Variants in FTCDNL1 observed in about 807,000 individuals in gnomAD.
FTCDNL1 encodes formiminotransferase N-terminal subdomain-containing protein.
In FTCDNL1, 11 loss-of-function variants were observed where a neutral mutation model predicts 5.9. That is an observed-to-expected ratio of 1.87 (90% CI 1.18 to 3.10). The LOEUF (loss-of-function observed/expected upper bound fraction) is 3.10. FTCDNL1 is among the 30% of genes most tolerant of loss of function. The pLI is 0.00. For missense variants in FTCDNL1, 115 were observed against 65.5 expected, an observed-to-expected ratio of 1.76 and a Z score of -2.61; for synonymous variants, 58 against 24.8, an observed-to-expected ratio of 2.34 and a Z score of -3.99.
chr2:199,844,238 AAC>A (rs2076669989), intron 3 of FTCDNL1: 2 of 393,066 alleles, frequency 5.1e-6, no homozygotes, highest in Non-Finnish European at 9.0e-6. Flanking sequence ...GTGTGTCACA[AAC>A]ACACAGTGTA....
At chr2:199,805,740 AAAAAT>A (rs776611454), downstream of FTCDNL1, among the ~76,000 whole-genome samples, 100 of 152,140 alleles carry the variant, frequency 6.6e-4, no homozygotes, top group Non-Finnish European at 1.2e-3. Flanking sequence ...CTCTGTCTCA[AAAAAT>A]AAAATAAAAT....
At chr2:199,744,031 A>G in the FTCDNL1 span, among the ~76,000 whole-genome samples, 1,691 of 152,316 alleles carry the variant, frequency 0.011, 32 homozygotes, top group African/African-American at 0.037. Flanking sequence ...TATCATGATT[A>G]ATGTCACAAT....
the FTCDNL1 span, among the ~76,000 whole-genome samples, chr2:199,754,190 A>G: frequency 1.3e-5 from 2 of 152,214 alleles, no homozygotes; most frequent in Non-Finnish European, 2.9e-5. Flanking sequence ...TACAATTCGT[A>G]GCTGGGCACT....
rs147955610 is a variant in FTCDNL1 at position 199,827,006 on chromosome 2, C to T, written c.212-7249G>A. On this transcript the variant is annotated intron_variant, in intron 3 of 4. Transcript: ENST00000420128. ...GGCAAAGATTATGAATGGATGAAACCGTCCTGAAAAGTCAATTAGGAACTT... is the reference window on the plus strand; with the variant it reads ...GGCAAAGATTATGAATGGATGAAACTGTCCTGAAAAGTCAATTAGGAACTT... Among the ~76,000 whole-genome samples the T allele has an allele frequency of 1.5e-3, 222 of 152,210 alleles. 1 individual carries two copies. The highest frequency in any genetic ancestry group is 2.1e-3 in the Non-Finnish European group (140 of 67,998).
At chr2:199,765,874 G>A (rs1698512604) in intron 3 of FTCDNL1, among the ~76,000 whole-genome samples, 1 of 151,938 alleles carries the variant, frequency 6.6e-6, no homozygotes, top group Non-Finnish European at 1.5e-5. Context: ...CCCACCTGCT[G>A]TGGTTGTGAT....
rs534474151 is a variant in FTCDNL1 at position 199,812,815 on chromosome 2, C to A, written c.398-91G>T. 5.1e-5 allele frequency: 31 copies of A among 603,046 alleles called. No homozygotes were observed. The Admixed American group carries it at 7.7e-4, about 15-fold the overall frequency. The allele number at this position is 603,046 out of a possible 1,614,324, so 37.4% of individuals were successfully genotyped here. A position where few individuals can be genotyped will look rare whatever the true frequency, so the allele number is the denominator to read the frequency against. On this transcript the variant is annotated intron_variant, in intron 4 of 4. Transcript: ENST00000420128. ...ATCATTCTAAATATTGGTGTTTACT[C>A]CTAGTTAAATATTTTTTTATCAAAA... is the stretch of plus-strand genomic sequence containing the variant.
chr2:199,760,913 C>A, intron 3 of FTCDNL1: 1 of 697,790 alleles, frequency 1.4e-6, no homozygotes, highest in South Asian at 1.5e-5. Context: ...ACTCAACCCC[C>A]ATTCCTTTCC....
intron 3 of FTCDNL1, among the ~76,000 whole-genome samples, chr2:199,765,556 A>ATATATATATTTTTTTTTTTTTTTTTTT: frequency 4.7e-5 from 2 of 42,664 alleles, no homozygotes; most frequent in Admixed American, 4.3e-4. Context: ...ATATATATAT[A>ATATATATATTTTTTTTTTTTTTTTTTT]TTTTTTTTTT....
chr2:199,706,734 C>A, the FTCDNL1 span, among the ~76,000 whole-genome samples: 1 of 152,214 alleles, frequency 6.6e-6, no homozygotes, highest in Admixed American at 6.5e-5. Flanking sequence ...CTGCACGACT[C>A]ACAGCTCTGT....
chr2:199,810,563 T>A lies in FTCDNL1; in HGVS notation c.*2142A>T, dbSNP rs1292693786. On this transcript the variant is annotated 3_prime_UTR_variant, in exon 5 of 5. Transcript: ENST00000420128. ...CATTGACACTCTAGAGCCCTGTTAC[T>A]CTAGAGCTCAGGGGCAAATGTCCCG... 6.6e-6 allele frequency among the ~76,000 whole-genome samples: 1 copy of A among 152,202 alleles called. No homozygotes were observed. The highest frequency in any genetic ancestry group is 1.5e-5 in the Non-Finnish European group (1 of 68,036).
the FTCDNL1 span, among the ~76,000 whole-genome samples, chr2:199,686,887 G>C: frequency 6.6e-6 from 1 of 152,128 alleles, no homozygotes; most frequent in Non-Finnish European, 1.5e-5. Flanking sequence ...TCTAAATTTG[G>C]AGAGCAATAT....
At chr2:199,795,399 G>A (rs1700123954) in intron 3 of FTCDNL1, among the ~76,000 whole-genome samples, 1 of 152,156 alleles carries the variant, frequency 6.6e-6, no homozygotes, top group Non-Finnish European at 1.5e-5. Context: ...TCTCTGCTCA[G>A]AGGGCATCTT....
At chr2:199,725,157 G>T in the FTCDNL1 span, among the ~76,000 whole-genome samples, 2 of 152,064 alleles carry the variant, frequency 1.3e-5, no homozygotes, top group African/African-American at 4.8e-5. Context: ...TGTCTTTTTT[G>T]ATCTTTGTCG....
chr2:199,781,776 T>G (rs534437597), intron 3 of FTCDNL1, among the ~76,000 whole-genome samples: 2 of 36,882 alleles, frequency 5.4e-5, no homozygotes, highest in African/African-American at 1.1e-4. Context: ...TCTTGTTTTT[T>G]GTTTGTTTGT....
At chr2:199,707,842 A>C in the FTCDNL1 span, among the ~76,000 whole-genome samples, 3 of 151,942 alleles carry the variant, frequency 2.0e-5, no homozygotes, top group African/African-American at 4.8e-5. Flanking sequence ...TACACAATGC[A>C]CTATTTTTTT....
At chr2:199,842,143 C>T (rs964174903) in intron 3 of FTCDNL1, among the ~76,000 whole-genome samples, 5 of 151,996 alleles carry the variant, frequency 3.3e-5, no homozygotes, top group Admixed American at 2.6e-4. Flanking sequence ...CAGTGCACAC[C>T]TATAGTCCCA....
chr2:199,710,766 A>G, the FTCDNL1 span, among the ~76,000 whole-genome samples: 1 of 152,126 alleles, frequency 6.6e-6, no homozygotes, highest in African/African-American at 2.4e-5. Context: ...AAGGCCCCTG[A>G]AGTCGTAGCA....
the FTCDNL1 span, among the ~76,000 whole-genome samples, chr2:199,743,108 T>A: frequency 6.6e-6 from 1 of 152,194 alleles, no homozygotes; most frequent in Non-Finnish European, 1.5e-5. Flanking sequence ...GGCAGCTGTT[T>A]TAACAGCAGC....
the FTCDNL1 span, among the ~76,000 whole-genome samples, chr2:199,698,020 G>A: frequency 6.6e-6 from 1 of 152,086 alleles, no homozygotes; most frequent in African/African-American, 2.4e-5. Flanking sequence ...AATCAACAAT[G>A]ATCAGAAAGG....
Sources: gnomAD v4.1 joint callset for allele counts (sites outside exome capture counted in the v4.1 genomes callset) on GRCh38, gnomAD v4.1.1 for gene constraint, MANE v1.5 for transcripts, NCBI Gene and HGNC (gene_info 2026-07-23, HGNC 2026-07-21) for gene names.